The following ADARB2 variants were observed in gnomAD, a reference collection of about 807,000 sequenced individuals.
ADARB2 encodes the protein inactive double-stranded RNA-specific editase B2.
ADARB2 carries 25 observed loss-of-function variants against 62.2 expected under a neutral mutation model. The observed-to-expected ratio is 0.40, with a 90% CI of 0.29 to 0.56. The LOEUF (loss-of-function observed/expected upper bound fraction) is 0.56, where lower values mean the gene tolerates loss of function less well. Among genes scored for constraint, ADARB2 ranks in the 20% least tolerant of loss-of-function variants. The pLI is 0.43. For missense variants in ADARB2, 1,071 were observed against 1,077.4 expected (o/e 0.99, Z 0.08); for synonymous variants, 572 against 500.8 (o/e 1.14, Z -1.90).
chr10:1,386,461 A>G (rs2131863678), intron 1 of ADARB2, among the ~76,000 whole-genome samples: 1 of 152,148 alleles, frequency 6.6e-6, no homozygotes. Flanking sequence ...GTTAAAAGTC[A>G]AATGACTGAA....
At chr10:1,360,202 C>T (rs535601143) in intron 3 of ADARB2, among the ~76,000 whole-genome samples, 9 of 152,394 alleles carry the variant, frequency 5.9e-5, no homozygotes, top group East Asian at 1.9e-4. Context: ...CAGCAGGAGG[C>T]GCTGCTTCCA....
chr10:1,438,172 G>T (rs2131893561), intron 1 of ADARB2, among the ~76,000 whole-genome samples: 1 of 152,176 alleles, frequency 6.6e-6, no homozygotes, highest in Admixed American at 6.5e-5. Flanking sequence ...TGGGGCTCCT[G>T]AGTCTCTCCC....
chr10:1,526,696 A>C (rs956965734), intron 1 of ADARB2: 4 of 300,978 alleles, frequency 1.3e-5, no homozygotes, highest in African/African-American at 2.2e-5. Flanking sequence ...CCATGGCTGC[A>C]CAAACCTTTC....
chr10:1,374,303 T>G (rs570760029), intron 2 of ADARB2, among the ~76,000 whole-genome samples: 1 of 152,320 alleles, frequency 6.6e-6, no homozygotes, highest in South Asian at 2.1e-4. Context: ...CAGGGAGGCA[T>G]CTGCATGGGA....
chr10:1,536,557 A>C (rs1015306287), intron 1 of ADARB2, among the ~76,000 whole-genome samples: 1 of 152,226 alleles, frequency 6.6e-6, no homozygotes, highest in Non-Finnish European at 1.5e-5. Flanking sequence ...GGCATCTGGC[A>C]CCGGACGGTG....
intron 1 of ADARB2, among the ~76,000 whole-genome samples, chr10:1,650,411 C>T (rs538581716): frequency 4.6e-5 from 7 of 152,200 alleles, no homozygotes; most frequent in South Asian, 4.1e-4. Context: ...GCTAAGTACT[C>T]GAGGGGCTGT....
chr10:1,690,699 C>T (rs916724601), intron 1 of ADARB2, among the ~76,000 whole-genome samples: 23 of 152,154 alleles, frequency 1.5e-4, no homozygotes, highest in African/African-American at 7.2e-5. Flanking sequence ...CACCCCACGT[C>T]GAGGAAGCCC....
At chr10:1,190,660 C>A (rs373429968) in intron 8 of ADARB2, among the ~76,000 whole-genome samples, 1 of 152,156 alleles carries the variant, frequency 6.6e-6, no homozygotes, top group Non-Finnish European at 1.5e-5. Context: ...TGGCTTGTAG[C>A]GGCTTCACTC....
At chr10:1,479,873 C>T (rs1390728419) in intron 1 of ADARB2, among the ~76,000 whole-genome samples, 2 of 152,164 alleles carry the variant, frequency 1.3e-5, no homozygotes, top group East Asian at 3.8e-4. Flanking sequence ...TCGAAGGACT[C>T]CGTGCTTAAG....
chr10:1,488,216 T>C (rs117285698), intron 1 of ADARB2, among the ~76,000 whole-genome samples: 3,147 of 114,430 alleles, frequency 0.028, 42 homozygotes, highest in Admixed American at 0.067. Context: ...TTATCTCAGA[T>C]TTGGCAAAGA....
chr10:1,245,979 C>T (rs1326264365), intron 4 of ADARB2, among the ~76,000 whole-genome samples: 2 of 151,632 alleles, frequency 1.3e-5, no homozygotes, highest in Non-Finnish European at 2.9e-5. Flanking sequence ...TCCTATTTCT[C>T]CACATCCTCT....
At position 1,183,374 on chromosome 10, in the gene ADARB2, G is replaced by A. The variant is rs756348514; in HGVS notation, c.2044-5C>T. 13 of 1,605,878 alleles carry A rather than the reference G, an allele frequency of 8.1e-6. No individual in the cohort carries two copies. Among genetic ancestry groups the A allele is most frequent in the African/African-American group, 8.0e-5 (6 of 74,762 alleles). On this transcript the variant is annotated splice_region_variant and splice_polypyrimidine_tract_variant and intron_variant, in intron 9 of 9. Transcript: ENST00000381312. ...GCTGGGTGTCCGTGTGCTCAGCTGCGGACAAGAAGGAGAAAGAGCCAATCA... is the reference window on the plus strand; with the variant it reads ...GCTGGGTGTCCGTGTGCTCAGCTGCAGACAAGAAGGAGAAAGAGCCAATCA...
chr10:1,672,540 C>T (rs72766753), intron 1 of ADARB2, among the ~76,000 whole-genome samples: 16,412 of 152,176 alleles, frequency 0.11, 1,058 homozygotes, highest in East Asian at 0.25. Context: ...TTCCTCTCTG[C>T]AGGCCTCGCG....
intron 3 of ADARB2, among the ~76,000 whole-genome samples, chr10:1,278,522 A>G (rs1831341187): frequency 6.7e-6 from 1 of 149,972 alleles, no homozygotes; most frequent in African/African-American, 2.5e-5. Flanking sequence ...AACATGTGGT[A>G]TTTGGCTTTT....
chr10:1,534,838 C>G (rs1041311670), intron 1 of ADARB2: 1 of 160,020 alleles, frequency 6.2e-6, no homozygotes, highest in Admixed American at 7.1e-5. Flanking sequence ...TGAGAGAGGG[C>G]GGCACTCCCC....
In ADARB2 at chr10:1,543,113, C is replaced by A. The variant is rs61831941; in HGVS notation, c.101-163953G>T. On this transcript the variant is annotated intron_variant, in intron 1 of 9. Coordinates refer to ENST00000381312, the MANE Select transcript of ADARB2 (RefSeq NM_018702.4). The stretch of plus-strand genomic sequence containing the variant: ...GGACGGAAGGGATTCCACCCTGGGG[C>A]GGTGTGGGGTGGCTTCCCTGCTCTC... Among the ~76,000 whole-genome samples, 77 of 152,376 alleles carry A rather than the reference C, an allele frequency of 5.1e-4. 1 individual carries two copies. Among genetic ancestry groups the A allele is most frequent in the Admixed American group, 2.8e-3 (43 of 15,314 alleles).
At chr10:1,628,986 T>C (rs1833807720) in intron 1 of ADARB2, among the ~76,000 whole-genome samples, 1 of 152,126 alleles carries the variant, frequency 6.6e-6, no homozygotes. Flanking sequence ...TGGCCGGGTT[T>C]CATTTGCCTC....
chr10:1,467,044 A>ATCTC (rs35329131), intron 1 of ADARB2, among the ~76,000 whole-genome samples: 19 of 149,220 alleles, frequency 1.3e-4, no homozygotes, highest in East Asian at 2.0e-4. Context: ...TATTTACAGC[A>ATCTC]TCTCTCTCTC....
Position 1,272,763 on chromosome 10 carries a change from A to T in ADARB2, c.1078-1694T>A, listed in dbSNP as rs1036188914. On this transcript the variant is annotated intron_variant, in intron 3 of 9. Coordinates refer to ENST00000381312, the MANE Select transcript of ADARB2 (RefSeq NM_018702.4). Reference sequence around the variant, plus strand: ...TTCGTGTCTGGAATCAGGTCCAGAGAGGGAAACCTGTGTCCTGGACACCCC... The same window carrying T: ...TTCGTGTCTGGAATCAGGTCCAGAGTGGGAAACCTGTGTCCTGGACACCCC... 3.2e-4 allele frequency among the ~76,000 whole-genome samples: 48 copies of T among 152,174 alleles called. 1 individual carries two copies. The highest frequency in any genetic ancestry group is 1.1e-3 in the African/African-American group (44 of 41,438).
Sources: allele counts gnomAD v4.1 joint callset (sites outside exome capture counted in the v4.1 genomes callset), GRCh38; gene constraint gnomAD v4.1.1; transcripts MANE v1.5; gene names NCBI Gene and HGNC (gene_info 2026-07-23, HGNC 2026-07-21).